The following RYR2 variants were observed in gnomAD, a reference collection of about 807,000 sequenced individuals.
The protein encoded by RYR2 is ryanodine receptor 2.
Under a neutral mutation model 601.1 loss-of-function variants are expected in RYR2, and 227 were observed. The observed-to-expected ratio is 0.38, with a 90% CI of 0.34 to 0.42. The LOEUF is 0.42. Ranked by LOEUF, RYR2 falls within the 10% of genes least tolerant of loss-of-function variation. RYR2 has a pLI of 1.00. For missense variants in RYR2, 4,646 were observed against 6,156.5 expected (o/e 0.75, Z 8.21); for synonymous variants, 2,223 against 2,175.1 (o/e 1.02, Z -0.61).
Position 237,533,573 on chromosome 1 carries a change from G to A in RYR2, c.2906+3063G>A, listed in dbSNP as rs1341195089. On this transcript the variant is annotated intron_variant, in intron 25 of 104. Coordinates refer to ENST00000366574, the MANE Select transcript of RYR2 (RefSeq NM_001035.3). ...GGCTATAGTCTAATAATAAAATCAC[G>A]GAATTATAAATGACACCATAGATGA... Among the ~76,000 whole-genome samples the A allele has an allele frequency of 1.3e-5, 2 of 151,858 alleles. 1 individual carries two copies. The highest frequency in any genetic ancestry group is 4.1e-4 in the South Asian group (2 of 4,826).
intron 63 of RYR2, among the ~76,000 whole-genome samples, chr1:237,694,603 A>G (rs1176682044): frequency 1.3e-5 from 2 of 152,210 alleles, no homozygotes; most frequent in Admixed American, 1.3e-4. Flanking sequence ...TTAGATGCCT[A>G]TAATGAAAGT....
chr1:237,723,292 T>C (rs1215825788), intron 74 of RYR2, 30 bp downstream of exon 74: 1 of 1,581,966 alleles, frequency 6.3e-7, no homozygotes. Flanking sequence ...CAATCATATT[T>C]GCCTTAGCCA....
chr1:237,477,389 CA>C (rs569330397), intron 17 of RYR2, among the ~76,000 whole-genome samples: 4 of 151,590 alleles, frequency 2.6e-5, no homozygotes, highest in Non-Finnish European at 5.9e-5. Context: ...GACTCCGTCT[CA>C]AAAAAAAGAA....
intron 63 of RYR2, among the ~76,000 whole-genome samples, chr1:237,695,517 T>G (rs1676968129): frequency 6.6e-6 from 1 of 152,204 alleles, no homozygotes; most frequent in African/African-American, 2.4e-5. Context: ...ATCAATTATG[T>G]AAACTTAAGT....
At chr1:237,220,989 G>C (rs866584182) in intron 1 of RYR2, among the ~76,000 whole-genome samples, 1 of 151,988 alleles carries the variant, frequency 6.6e-6, no homozygotes, top group Non-Finnish European at 1.5e-5. Flanking sequence ...CCAGCTACTC[G>C]GGAGGCTGAG....
intron 1 of RYR2, among the ~76,000 whole-genome samples, chr1:237,056,975 C>T (rs1003081874): frequency 4.6e-5 from 7 of 152,282 alleles, no homozygotes; most frequent in Admixed American, 1.3e-4. Context: ...GCTTAAGCCA[C>T]CCAGTCTGTG....
At chr1:237,303,489 G>A (rs772458775) in intron 2 of RYR2, among the ~76,000 whole-genome samples, 7 of 151,582 alleles carry the variant, frequency 4.6e-5, no homozygotes, top group East Asian at 3.9e-4. Flanking sequence ...TAGTAGAGAC[G>A]GGGTTTCACC....
intron 13 of RYR2, 21 bp downstream of exon 13, chr1:237,441,504 A>G: frequency 1.3e-5 from 19 of 1,443,912 alleles, no homozygotes; most frequent in East Asian, 2.4e-5. Flanking sequence ...AGAAAAAAAC[A>G]TAATTTATAG....
At chr1:237,088,147 CT>C (rs879366180) in intron 1 of RYR2, among the ~76,000 whole-genome samples, 138 of 150,202 alleles carry the variant, frequency 9.2e-4, no homozygotes, top group African/African-American at 3.1e-3. Context: ...CTTGACTGTA[CT>C]TTTTTTTTTC....
At chr1:237,148,553 T>TATATATATATATACATAC (rs71178397) in intron 1 of RYR2, among the ~76,000 whole-genome samples, 48 of 105,690 alleles carry the variant, frequency 4.5e-4, no homozygotes, top group African/African-American at 1.9e-3. Flanking sequence ...TATATATATA[T>TATATATATATATACATAC]ACACACACAC....
chr1:237,795,879 T>C (rs936812283), intron 96 of RYR2, among the ~76,000 whole-genome samples: 34 of 140,542 alleles, frequency 2.4e-4, no homozygotes, highest in Middle Eastern at 7.2e-3. Flanking sequence ...TATATACACA[T>C]ATATATATAC....
intron 96 of RYR2, among the ~76,000 whole-genome samples, chr1:237,795,715 T>G (rs1219831095): frequency 6.6e-6 from 1 of 151,560 alleles, no homozygotes; most frequent in Non-Finnish European, 1.5e-5. Flanking sequence ...CCTACCAAAG[T>G]GCTGGGATTA....
At chr1:237,437,207 G>A (rs1158165976) in intron 12 of RYR2, among the ~76,000 whole-genome samples, 1 of 151,692 alleles carries the variant, frequency 6.6e-6, no homozygotes, top group Non-Finnish European at 1.5e-5. Context: ...ACCACGCTCA[G>A]CTAATTTTTT....
chr1:237,775,010 T>G (rs2149323273), intron 87 of RYR2, among the ~76,000 whole-genome samples: 1 of 149,538 alleles, frequency 6.7e-6, no homozygotes, highest in South Asian at 2.1e-4. Flanking sequence ...CACAGATTTC[T>G]ATGTGAATGT....
chr1:237,270,377 T>C (rs1689558501), intron 1 of RYR2, 120 bp from the exon 2 acceptor site: 1 of 1,404,592 alleles, frequency 7.1e-7, no homozygotes, highest in Admixed American at 2.0e-5. Context: ...TTGACAGTAG[T>C]TTTTACATTC....
chr1:237,236,393 G>A (rs1418123979), intron 1 of RYR2, among the ~76,000 whole-genome samples: 1 of 152,086 alleles, frequency 6.6e-6, no homozygotes, highest in Admixed American at 6.5e-5. Flanking sequence ...AAATGCAGAT[G>A]GGGATAAAAT....
intron 1 of RYR2, among the ~76,000 whole-genome samples, chr1:237,135,694 T>C (rs1672699849): frequency 6.6e-6 from 1 of 152,168 alleles, no homozygotes; most frequent in Admixed American, 6.5e-5. Context: ...TGGTTTTAAC[T>C]GTGTGTATTT....
chr1:237,806,750 T>G (rs1660674141), intron 99 of RYR2, among the ~76,000 whole-genome samples: 1 of 152,224 alleles, frequency 6.6e-6, no homozygotes. Flanking sequence ...TGGATATTCA[T>G]GTACTCTTTA....
intron 27 of RYR2, among the ~76,000 whole-genome samples, chr1:237,562,977 C>T (rs144135200): frequency 5.0e-4 from 76 of 152,216 alleles, no homozygotes; most frequent in African/African-American, 1.6e-3. Context: ...AAGTTTGTTA[C>T]GGATTGCTTG....
Sources: gnomAD v4.1 joint callset for allele counts (sites outside exome capture counted in the v4.1 genomes callset) on GRCh38, gnomAD v4.1.1 for gene constraint, MANE v1.5 for transcripts, NCBI Gene and HGNC (gene_info 2026-07-23, HGNC 2026-07-21) for gene names.